The following EML5 variants were observed in gnomAD, a reference collection of about 807,000 sequenced individuals.
EML5 encodes the protein echinoderm microtubule-associated protein-like 5.
Under a neutral mutation model 250.0 loss-of-function variants are expected in EML5, and 120 were observed. That is an observed-to-expected ratio of 0.48 (90% CI 0.41 to 0.56). The LOEUF (loss-of-function observed/expected upper bound fraction) is 0.56, where lower values mean the gene tolerates loss of function less well. Among genes scored for constraint, EML5 ranks in the 20% least tolerant of loss-of-function variants. The pLI, the probability that EML5 is intolerant of heterozygous loss-of-function variation, is 0.00. For synonymous variants in EML5, 771 were observed against 806.5 expected, an observed-to-expected ratio of 0.96 and a Z score of 0.75; for missense variants, 2,006 against 2,437.6, an observed-to-expected ratio of 0.82 and a Z score of 3.73.
At chr14:88,664,753 G>C (rs369825301) in intron 22 of EML5, 129 bp from the exon 23 acceptor site, 1 of 885,976 alleles carries the variant, frequency 1.1e-6, no homozygotes, top group Non-Finnish European at 1.7e-6. Context: ...TAATAAAACA[G>C]ATGTGTTAAA....
chr14:88,717,896 A>G (rs995409541), intron 8 of EML5, among the ~76,000 whole-genome samples: 25 of 152,394 alleles, frequency 1.6e-4, no homozygotes, highest in Admixed American at 1.2e-3. Flanking sequence ...AATACAATGT[A>G]GTATTATACT....
Position 88,727,447 on chromosome 14 carries a change from G to A in EML5, c.1050-769C>T, listed in dbSNP as rs145165433. On this transcript the variant is annotated intron_variant, in intron 7 of 43. Transcript: ENST00000554922. ...ACGGAGTTTCGTTCCTGTTGTCCAG[G>A]CCGGAGTGCAATGGTGTGATCTCGG... 4.5e-3 allele frequency among the ~76,000 whole-genome samples: 669 copies of A among 147,090 alleles called. 3 individuals carry two copies. The highest frequency in any genetic ancestry group is 6.8e-3 in the Non-Finnish European group (459 of 67,612).
intron 1 of EML5, among the ~76,000 whole-genome samples, chr14:88,775,896 G>A (rs909554699): frequency 6.6e-6 from 1 of 150,902 alleles, no homozygotes; most frequent in Non-Finnish European, 1.5e-5. Context: ...CCAGCTTTAG[G>A]TGGCTCAGAA....
At chr14:88,644,569 C>T in intron 29 of EML5, 58 bp from the exon 30 acceptor site, 1 of 1,465,166 alleles carries the variant, frequency 6.8e-7, no homozygotes, top group Non-Finnish European at 9.6e-7. Flanking sequence ...CTTCACTGAG[C>T]CTCTCACACC....
At chr14:88,726,795 T>C in intron 7 of EML5, 117 bp from the exon 8 acceptor site, 1 of 717,320 alleles carries the variant, frequency 1.4e-6, no homozygotes, top group Non-Finnish European at 2.1e-6. Flanking sequence ...TAACTATCTG[T>C]TGTGTGGCAA....
At chr14:88,638,996 C>G in intron 31 of EML5, 89 bp from the exon 32 acceptor site, 1 of 919,228 alleles carries the variant, frequency 1.1e-6, no homozygotes, top group Non-Finnish European at 1.6e-6. Flanking sequence ...TACTCTTTAA[C>G]TTATTTGCTT....
intron 1 of EML5, among the ~76,000 whole-genome samples, chr14:88,761,749 C>T (rs2094247453): frequency 6.6e-6 from 1 of 152,146 alleles, no homozygotes; most frequent in Admixed American, 6.5e-5. Context: ...ATTTCTGGTC[C>T]TAGATCCTTG....
intron 7 of EML5, among the ~76,000 whole-genome samples, chr14:88,736,137 A>G (rs900993777): frequency 6.6e-6 from 1 of 151,446 alleles, no homozygotes. Flanking sequence ...AGTAGCTGGG[A>G]TTACAGGTGC....
chr14:88,784,884 C>G (rs1207033506), intron 1 of EML5, among the ~76,000 whole-genome samples: 1 of 152,188 alleles, frequency 6.6e-6, no homozygotes, highest in Non-Finnish European at 1.5e-5. Context: ...AAGGAGATAT[C>G]TACACTCCAA....
chr14:88,746,697 C>G (rs2140304140), intron 2 of EML5, among the ~76,000 whole-genome samples: 1 of 152,272 alleles, frequency 6.6e-6, no homozygotes, highest in South Asian at 2.1e-4. Context: ...CGGGTGAATA[C>G]TTGTACCCCT....
intron 1 of EML5, among the ~76,000 whole-genome samples, chr14:88,789,676 A>G (rs1382025071): frequency 8.9e-6 from 1 of 112,808 alleles, no homozygotes; most frequent in Non-Finnish European, 1.8e-5. Context: ...CTTTACTGAG[A>G]AAATGATGAA....
intron 8 of EML5, among the ~76,000 whole-genome samples, chr14:88,716,869 T>C (rs543657417): frequency 1.1e-4 from 16 of 152,020 alleles, no homozygotes; most frequent in Middle Eastern, 3.4e-3. Context: ...ACATGAAGAG[T>C]TTCTCTGACA....
In EML5 at chr14:88,624,210, G is replaced by A. The variant is rs559760294; in HGVS notation, c.4898+760C>T. 624 of 152,342 alleles carry A rather than the reference G, an allele frequency of 4.1e-3. 4 individuals carry two copies. Among genetic ancestry groups the A allele is most frequent in the South Asian group, 0.031 (151 of 4,818 alleles). 9.4% of individuals were successfully genotyped at this position (152,342 alleles called of 1,614,324 possible). On this transcript the variant is annotated intron_variant, in intron 36 of 43. Transcript: ENST00000554922. ...TCCCACCTCAGCCTCCTGAGTAGCAGGGACTACAGGCATGTGCCACCACAC... is the reference window on the plus strand; with the variant it reads ...TCCCACCTCAGCCTCCTGAGTAGCAAGGACTACAGGCATGTGCCACCACAC...
In EML5 at chr14:88,792,080, C is replaced by T. The variant is rs553912881; in HGVS notation, c.197+227G>A. Among the ~76,000 whole-genome samples, 26 of 152,212 alleles carry T rather than the reference C, an allele frequency of 1.7e-4. No homozygotes were observed. The highest frequency in any genetic ancestry group is 2.9e-4 in the Non-Finnish European group (20 of 68,044). On this transcript the variant is annotated intron_variant, in intron 1 of 43. Transcript: ENST00000554922. This position sits in a 1 kb window ranked among gnomAD's most constrained non-coding sequence, Gnocchi z 6.9. ...TCAAACCGGGTGCCCGGTGGATCCGCGGACCTGATCTTCCTGCACGGACCC... is the reference window on the plus strand; with the variant it reads ...TCAAACCGGGTGCCCGGTGGATCCGTGGACCTGATCTTCCTGCACGGACCC...
At chr14:88,657,728 C>T (rs991780431) in intron 26 of EML5, among the ~76,000 whole-genome samples, 1 of 152,000 alleles carries the variant, frequency 6.6e-6, no homozygotes, top group Non-Finnish European at 1.5e-5. Flanking sequence ...AAAATAAGTT[C>T]AATATGACCA....
At chr14:88,743,991 G>T (rs370330749) in intron 4 of EML5, 32 bp downstream of exon 4, 2 of 1,448,530 alleles carry the variant, frequency 1.4e-6, no homozygotes, top group South Asian at 1.4e-5. Flanking sequence ...AGAACTAAAC[G>T]TGACTATTAT....
intron 10 of EML5, among the ~76,000 whole-genome samples, chr14:88,712,031 G>T (rs946086694): frequency 1.3e-5 from 2 of 151,188 alleles, no homozygotes. Flanking sequence ...TCTTTGAAAA[G>T]AAAGAGATAT....
At chr14:88,646,253 A>T (rs2091341931) in intron 29 of EML5, among the ~76,000 whole-genome samples, 1 of 152,184 alleles carries the variant, frequency 6.6e-6, no homozygotes, top group East Asian at 1.9e-4. Context: ...TATATCTTAA[A>T]CATCCAATAA....
chr14:88,708,341 A>G (rs527369665), intron 10 of EML5, among the ~76,000 whole-genome samples: 1 of 152,242 alleles, frequency 6.6e-6, no homozygotes, highest in South Asian at 2.1e-4. Context: ...CCTTGTGATT[A>G]TATTTATATA....
Sources: allele counts gnomAD v4.1 joint callset (sites outside exome capture counted in the v4.1 genomes callset), GRCh38; gene constraint gnomAD v4.1.1; non-coding constraint Gnocchi (gnomAD v3.1); transcripts MANE v1.5; gene names NCBI Gene and HGNC (gene_info 2026-07-23, HGNC 2026-07-21).